Variants in C2orf92 observed in about 807,000 individuals in gnomAD.
C2orf92 encodes the protein uncharacterized protein C2orf92.
At chr2:97,684,989 G>A (rs1675903792) in intron 3 of C2orf92, among the ~76,000 whole-genome samples, 1 of 151,724 alleles carries the variant, frequency 6.6e-6, no homozygotes, top group South Asian at 2.1e-4. Context: ...GAGTGTAGTG[G>A]CACAATCTTG....
chr2:97,682,654 A>G (rs1360620112), intron 3 of C2orf92, among the ~76,000 whole-genome samples: 1 of 144,564 alleles, frequency 6.9e-6, no homozygotes, highest in Non-Finnish European at 1.5e-5. Flanking sequence ...GGATGGTTGA[A>G]CATAATAAAA....
At chr2:97,669,944 T>C (rs1038770722) in intron 1 of C2orf92, 110 bp downstream of exon 1, 1 of 397,442 alleles carries the variant, frequency 2.5e-6, no homozygotes, top group Admixed American at 4.4e-5. Context: ...CTTTACCTAC[T>C]CTACCTTCTA....
At chr2:97,686,743 G>A (rs1486088210) in intron 3 of C2orf92, among the ~76,000 whole-genome samples, 2 of 151,908 alleles carry the variant, frequency 1.3e-5, no homozygotes, top group Admixed American at 6.6e-5. Context: ...TAAAAGTTCT[G>A]GAAGCCGAGC....
intron 2 of C2orf92, among the ~76,000 whole-genome samples, chr2:97,675,378 A>G (rs1174176788): frequency 2.6e-5 from 4 of 152,204 alleles, no homozygotes; most frequent in African/African-American, 9.6e-5. Context: ...ATGTTTTATG[A>G]TGCTCCCTTG....
intron 3 of C2orf92, among the ~76,000 whole-genome samples, chr2:97,685,687 C>T (rs564818978): frequency 6.6e-6 from 1 of 152,110 alleles, no homozygotes; most frequent in African/African-American, 2.4e-5. Flanking sequence ...CTCAGCCTCC[C>T]TAGTAGCTGG....
upstream of C2orf92, chr2:97,667,011 A>G (rs942897117): frequency 1.3e-5 from 2 of 152,064 alleles, no homozygotes; most frequent in African/African-American, 4.8e-5. Context: ...TTGAAAACAT[A>G]TTAGTATTGC....
chr2:97,678,646 A>C (rs1292817801), intron 3 of C2orf92, among the ~76,000 whole-genome samples: 1 of 152,082 alleles, frequency 6.6e-6, no homozygotes, highest in Admixed American at 6.6e-5. Context: ...AGGAGGCAGT[A>C]GGATGGCACA....
intron 5 of C2orf92, among the ~76,000 whole-genome samples, 154 bp downstream of exon 5, chr2:97,690,481 C>T (rs946965092): frequency 3.3e-5 from 5 of 150,696 alleles, no homozygotes; most frequent in Admixed American, 6.6e-5. Flanking sequence ...CCCAGGTTCA[C>T]GCCATTCTCC....
At position 97,673,694 on chromosome 2, in the gene C2orf92, T is replaced by C. The variant is rs941867208; in HGVS notation, c.47-762T>C. Among the ~76,000 whole-genome samples, 4 of 152,112 alleles carry C rather than the reference T, an allele frequency of 2.6e-5. No individual in the cohort carries two copies. The South Asian group carries it at 6.2e-4, about 24-fold the overall frequency. On this transcript the variant is annotated intron_variant, in intron 1 of 7. Transcript: ENST00000627399. Reference sequence around the variant, plus strand: ...TGTGTGGCTGTGTCATGTCTGGTTGTATCTGTATATACTTCTGCCTCTCCC... The same window carrying C: ...TGTGTGGCTGTGTCATGTCTGGTTGCATCTGTATATACTTCTGCCTCTCCC...
At chr2:97,664,069 A>C, upstream of C2orf92, 13 of 288,506 alleles carry the variant, frequency 4.5e-5, no homozygotes, top group Admixed American at 1.1e-4. Context: ...GCGGCCAATC[A>C]TCGCTCCCAC....
chr2:97,685,455 C>T (rs1452526667), intron 3 of C2orf92, among the ~76,000 whole-genome samples: 14 of 151,810 alleles, frequency 9.2e-5, no homozygotes, highest in East Asian at 1.9e-4. Flanking sequence ...TTAGTAGAAA[C>T]GGGGTTTCAC....
At chr2:97,678,738 C>T (rs1466046076) in intron 3 of C2orf92, among the ~76,000 whole-genome samples, 2 of 149,338 alleles carry the variant, frequency 1.3e-5, no homozygotes, top group African/African-American at 5.0e-5. Context: ...GGGAGGCTGA[C>T]GTGGGCAGAT....
intron 5 of C2orf92, among the ~76,000 whole-genome samples, chr2:97,698,477 TC>T (rs1434173881): frequency 6.6e-6 from 1 of 152,258 alleles, no homozygotes; most frequent in African/African-American, 2.4e-5. Context: ...TGGTTAATTT[TC>T]CTATCTTGTC....
chr2:97,695,239 A>G (rs894441704), intron 5 of C2orf92, among the ~76,000 whole-genome samples: 5 of 152,152 alleles, frequency 3.3e-5, no homozygotes, highest in East Asian at 1.9e-4. Flanking sequence ...TCCAAATCCA[A>G]TGTCATGAAG....
At chr2:97,684,694 G>T (rs1675895059) in intron 3 of C2orf92, among the ~76,000 whole-genome samples, 1 of 152,128 alleles carries the variant, frequency 6.6e-6, no homozygotes, top group African/African-American at 2.4e-5. Context: ...GAAAATGTTT[G>T]CAATTCACAT....
chr2:97,678,778 TG>T (rs1436143799), intron 3 of C2orf92, among the ~76,000 whole-genome samples: 1 of 145,372 alleles, frequency 6.9e-6, no homozygotes, highest in Non-Finnish European at 1.5e-5. Flanking sequence ...GAGACCAGCC[TG>T]GGCAATACGG....
chr2:97,700,595 C>T (rs79358477), intron 6 of C2orf92, among the ~76,000 whole-genome samples: 45 of 152,246 alleles, frequency 3.0e-4, no homozygotes, highest in African/African-American at 1.0e-3. Flanking sequence ...TCCTCAGTGT[C>T]TCATCTCCAC....
At chr2:97,688,366 C>T (rs1026974795) in intron 3 of C2orf92, among the ~76,000 whole-genome samples, 7 of 151,976 alleles carry the variant, frequency 4.6e-5, no homozygotes, top group Non-Finnish European at 7.4e-5. Context: ...CAAGGAAAGC[C>T]TAGAGGGGAA....
chr2:97,694,775 T>C (rs1451799263), intron 5 of C2orf92, among the ~76,000 whole-genome samples: 2 of 152,154 alleles, frequency 1.3e-5, no homozygotes, highest in Admixed American at 1.3e-4. Context: ...CTGGATGATA[T>C]GATTTTGGTT....
Sources: allele counts gnomAD v4.1 joint callset (sites outside exome capture counted in the v4.1 genomes callset), GRCh38; gene constraint gnomAD v4.1.1; transcripts MANE v1.5; gene names NCBI Gene and HGNC (gene_info 2026-07-23, HGNC 2026-07-21).